Variants in TMEM273 observed in about 807,000 individuals in gnomAD.
TMEM273 encodes the protein transmembrane protein 273.
Under a neutral mutation model 17.9 loss-of-function variants are expected in TMEM273, and 19 were observed. The ratio of observed to expected loss-of-function variants is 1.06; its 90% CI spans 0.74 to 1.55. The LOEUF is 1.55. Among genes scored for constraint, TMEM273 ranks in the 40% most tolerant of loss-of-function variants. The pLI is 0.00. For synonymous variants in TMEM273, 66 were observed against 62.0 expected (o/e 1.07, Z -0.31); for missense variants, 194 against 155.6 (o/e 1.25, Z -1.31).
rs1564655401 is a variant in TMEM273 at position 49,188,375 on chromosome 10, G to GGCAGC, written c.-44_-40dup. 1 of 1,613,920 alleles carries GGCAGC rather than the reference G, an allele frequency of 6.2e-7. No homozygotes were observed. Among genetic ancestry groups the GGCAGC allele is most frequent in the Non-Finnish European group, 8.5e-7 (1 of 1,179,914 alleles). On this transcript the variant is annotated 5_prime_UTR_variant, in exon 1 of 7. Transcript: ENST00000374153. ...TCTTGGCTCCTGGCTCCTGGCTGCT[G>GGCAGC]GCAGCGCAGGCACAATGAGCCATGT...
At chr10:49,182,150 G>A (rs904678724) in intron 1 of TMEM273, among the ~76,000 whole-genome samples, 2 of 152,098 alleles carry the variant, frequency 1.3e-5, no homozygotes, top group African/African-American at 4.8e-5. Context: ...TTTTTGTTAC[G>A]TTTGTAGAGA....
rs1169252654 is a variant in TMEM273 at position 49,155,256 on chromosome 10, G to C, written c.*636C>G. ...CCTTCGTTGGTTCCATCCTTTGAAG[G>C]TCTGAGAGCAGCAGGCCCATTCCAT... On this transcript the variant is annotated 3_prime_UTR_variant, in exon 7 of 7. Coordinates refer to ENST00000374153, the MANE Select transcript of TMEM273 (RefSeq NM_001288740.3). 6.5e-6 allele frequency: 1 copy of C among 152,878 alleles called. No homozygotes were observed. The highest frequency in any genetic ancestry group is 1.5e-5 in the Non-Finnish European group (1 of 68,558). 9.5% of individuals were successfully genotyped at this position (152,878 alleles called of 1,614,324 possible).
At chr10:49,161,832 G>T (rs1029041990) in intron 5 of TMEM273, among the ~76,000 whole-genome samples, 1 of 152,148 alleles carries the variant, frequency 6.6e-6, no homozygotes, top group African/African-American at 2.4e-5. Flanking sequence ...TTGCAGAGGA[G>T]CTCTGTTACG....
intron 1 of TMEM273, among the ~76,000 whole-genome samples, chr10:49,182,096 T>C (rs1847383076): frequency 6.6e-6 from 1 of 152,370 alleles, no homozygotes; most frequent in East Asian, 1.9e-4. Flanking sequence ...TTCAGCCTCT[T>C]CCTTGACCTT....
At chr10:49,187,254 A>G (rs754906881) in intron 1 of TMEM273, among the ~76,000 whole-genome samples, 6 of 152,076 alleles carry the variant, frequency 3.9e-5, no homozygotes, top group Admixed American at 1.3e-4. Context: ...GCCCGTTTCC[A>G]TGTGTAAACT....
intron 5 of TMEM273, 39 bp downstream of exon 5, chr10:49,165,166 G>T: frequency 6.6e-7 from 1 of 1,519,282 alleles, no homozygotes; most frequent in Non-Finnish European, 8.8e-7. Flanking sequence ...GCCAAGCAAA[G>T]AGAAGAGAAT....
chr10:49,156,214 T>C, intron 6 of TMEM273: 1 of 1,415,006 alleles, frequency 7.1e-7, no homozygotes, highest in Non-Finnish European at 9.4e-7. Flanking sequence ...TTTGGGAAAC[T>C]TTTCACTTTC....
intron 1 of TMEM273, among the ~76,000 whole-genome samples, chr10:49,174,469 A>G (rs191212122): frequency 1.1e-3 from 162 of 152,358 alleles, no homozygotes; most frequent in African/African-American, 3.5e-3. Context: ...CTTCTAGACC[A>G]TGACTTGCAG....
chr10:49,162,830 C>A (rs1845929822), intron 5 of TMEM273, among the ~76,000 whole-genome samples: 1 of 152,212 alleles, frequency 6.6e-6, no homozygotes, highest in African/African-American at 2.4e-5. Context: ...CCCACAAAGG[C>A]AACAAAGGTT....
intron 1 of TMEM273, among the ~76,000 whole-genome samples, chr10:49,170,682 G>A (rs1279638118): frequency 2.0e-5 from 3 of 152,166 alleles, no homozygotes; most frequent in African/African-American, 4.8e-5. Context: ...CCCTTCCTGC[G>A]AGCCAGCCCC....
intron 1 of TMEM273, among the ~76,000 whole-genome samples, chr10:49,182,370 T>C (rs148429389): frequency 6.6e-6 from 1 of 152,306 alleles, no homozygotes; most frequent in East Asian, 1.9e-4. Context: ...TAATTCTCTT[T>C]ACCCGGGCCT....
intron 1 of TMEM273, among the ~76,000 whole-genome samples, chr10:49,175,270 G>T (rs1200628459): frequency 2.6e-5 from 4 of 152,126 alleles, no homozygotes; most frequent in Admixed American, 6.5e-5. Flanking sequence ...AAAAGCAGAG[G>T]GGAGAGTCCT....
intron 1 of TMEM273, among the ~76,000 whole-genome samples, chr10:49,184,038 G>A (rs555940999): frequency 2.6e-5 from 4 of 152,068 alleles, no homozygotes; most frequent in African/African-American, 7.2e-5. Context: ...ATATTAAATG[G>A]GTACAGAATA....
intron 1 of TMEM273, among the ~76,000 whole-genome samples, chr10:49,176,066 T>C (rs1012746168): frequency 1.2e-4 from 19 of 152,202 alleles, no homozygotes; most frequent in African/African-American, 4.3e-4. Context: ...TGTCAGCCTG[T>C]GGCCTTGGAC....
chr10:49,156,256 G>A (rs1362505930), intron 6 of TMEM273: 2 of 1,351,448 alleles, frequency 1.5e-6, no homozygotes, highest in Middle Eastern at 4.0e-4. Flanking sequence ...GATCTGGCCA[G>A]ATGCTACGAG....
In TMEM273 at chr10:49,155,568, C is replaced by T. The variant is rs139082268; in HGVS notation, c.*324G>A. 4.4e-4 allele frequency: 182 copies of T among 417,104 alleles called. No homozygotes were observed. The highest frequency in any genetic ancestry group is 3.2e-3 in the African/African-American group (158 of 49,438). The allele number at this position is 417,104 out of a possible 1,614,324, so 25.8% of individuals were successfully genotyped here. A position where few individuals can be genotyped will look rare whatever the true frequency, so the allele number is the denominator to read the frequency against. ...GAGCCATTTTCTGTGGTAGGTTCCA[C>T]GGACATGGACACCATGGCCTCATGG... On this transcript the variant is annotated 3_prime_UTR_variant, in exon 7 of 7. Coordinates refer to ENST00000374153, the MANE Select transcript of TMEM273 (RefSeq NM_001288740.3).
At chr10:49,165,652 C>G in intron 4 of TMEM273, 114 bp downstream of exon 4, 1 of 1,483,078 alleles carries the variant, frequency 6.7e-7, no homozygotes, top group Non-Finnish European at 9.3e-7. Context: ...TTCTAGTCAC[C>G]TAGAAAGCAT....
At chr10:49,179,486 A>G (rs1847206251) in intron 1 of TMEM273, among the ~76,000 whole-genome samples, 1 of 152,220 alleles carries the variant, frequency 6.6e-6, no homozygotes, top group Admixed American at 6.5e-5. Context: ...CTCCCCAAAG[A>G]GCATTACTCC....
chr10:49,165,440 T>G, intron 4 of TMEM273, 157 bp from the exon 5 acceptor site: 2 of 1,489,562 alleles, frequency 1.3e-6, no homozygotes, highest in Admixed American at 2.3e-5. Flanking sequence ...ACCTCCCAAG[T>G]GACAGGGGCT....
Sources: allele counts gnomAD v4.1 joint callset (sites outside exome capture counted in the v4.1 genomes callset), GRCh38; gene constraint gnomAD v4.1.1; transcripts MANE v1.5; gene names NCBI Gene and HGNC (gene_info 2026-07-23, HGNC 2026-07-21).